Variants in TNRC6B observed in about 807,000 individuals in gnomAD.
The protein encoded by TNRC6B is trinucleotide repeat containing adaptor 6B.
In TNRC6B, 52 loss-of-function variants were observed where a neutral mutation model predicts 203.6. The observed-to-expected ratio is 0.26, with a 90% confidence interval of 0.20 to 0.32. TNRC6B has a LOEUF of 0.32. Among genes scored for constraint, TNRC6B ranks in the 10% least tolerant of loss-of-function variants. TNRC6B has a pLI of 1.00. For missense variants in TNRC6B, 1,923 were observed against 2,286.2 expected (o/e 0.84, Z 3.24); for synonymous variants, 838 against 845.7 (o/e 0.99, Z 0.16).
chr22:40,182,474 T>C (rs537181648), intron 1 of TNRC6B, among the ~76,000 whole-genome samples: 3 of 152,206 alleles, frequency 2.0e-5, no homozygotes, highest in African/African-American at 7.2e-5. Context: ...TAGGGTGGAG[T>C]GAATTGAAGC....
chr22:40,211,350 A>G (rs1280482602), intron 1 of TNRC6B, among the ~76,000 whole-genome samples: 1 of 151,562 alleles, frequency 6.6e-6, no homozygotes, highest in Non-Finnish European at 1.5e-5. Flanking sequence ...GAGTATTGGG[A>G]TTACAGGCAT....
At chr22:40,135,235 G>C (rs2068589687) in intron 3 of TNRC6B, among the ~76,000 whole-genome samples, 1 of 152,168 alleles carries the variant, frequency 6.6e-6, no homozygotes, top group Non-Finnish European at 1.5e-5. Flanking sequence ...TCCCCAGTCT[G>C]TTGAATTAAA....
At chr22:40,269,525 A>C (rs1036032950) in intron 5 of TNRC6B, among the ~76,000 whole-genome samples, 4 of 152,032 alleles carry the variant, frequency 2.6e-5, no homozygotes, top group Non-Finnish European at 5.9e-5. Context: ...TTTTTCTATC[A>C]GTGATGCGGT....
chr22:40,116,685 T>A (rs988031458), intron 1 of TNRC6B, among the ~76,000 whole-genome samples: 6 of 151,966 alleles, frequency 3.9e-5, no homozygotes, highest in Admixed American at 1.3e-4. Context: ...ATATGAGGGG[T>A]TGGGTGAGAA....
In TNRC6B at chr22:40,266,761, C is replaced by G; in HGVS notation, c.2531C>G (p.Pro844Arg). Residue 844 changes from proline (P) to arginine (R), a missense_variant, in exon 5 of 23, where the codon CCC becomes CGC. Physicochemically the swap from Pro to Arg is moderately radical, Grantham distance 103. Around this residue, in one of 8 missense-constraint regions of TNRC6B, gnomAD observed 599 missense variants for 656.5 expected, o/e 0.91. Coordinates refer to ENST00000454349, the MANE Select transcript of TNRC6B (RefSeq NM_001162501.2). The stretch of plus-strand genomic sequence containing the variant: ...GCTTCTGGTTCGTGGGGAGGCCCAC[C>G]CCCACCACCTCCAGGCAACGTTCGA... ...PEASGSWGGP[P>R]PPPPGNVRPS... is the part of the protein sequence containing the mutation. 6.2e-7 allele frequency: 1 copy of G among 1,613,618 alleles called. No individual in the cohort carries two copies. Among genetic ancestry groups the G allele is most frequent in the Non-Finnish European group, 8.5e-7 (1 of 1,179,744 alleles).
At chr22:40,200,717 G>A (rs1231879622) in intron 1 of TNRC6B, among the ~76,000 whole-genome samples, 1 of 152,114 alleles carries the variant, frequency 6.6e-6, no homozygotes, top group Non-Finnish European at 1.5e-5. Context: ...TGTAATATAT[G>A]TTGTAGGTCA....
chr22:40,134,688 C>T (rs762941756), intron 3 of TNRC6B, among the ~76,000 whole-genome samples: 5 of 152,046 alleles, frequency 3.3e-5, no homozygotes, highest in African/African-American at 4.8e-5. Flanking sequence ...ATGTTCTGCA[C>T]GTGTATCCCA....
In TNRC6B at chr22:40,273,545, G is replaced by T; in HGVS notation, c.3086G>T (p.Ser1029Ile). The change falls in exon 7 of 23, where the codon AGT becomes ATT. Residue 1029 changes from serine (S) to isoleucine (I), a missense_variant. Around this residue, in one of 8 missense-constraint regions of TNRC6B, gnomAD observed 599 missense variants for 656.5 expected, o/e 0.91. Transcript: ENST00000454349. ...TGGAACACCACTGGCTCTCAGGGCA[G>T]TGCTTCCTCCCACAACTCAGCAAGC... The part of the protein sequence containing the change: ...GVWNTTGSQG[S>I]ASSHNSASWG... The T allele has an allele frequency of 6.3e-7, 1 of 1,593,222 alleles. No homozygotes were observed. Among genetic ancestry groups the T allele is most frequent in the Non-Finnish European group, 8.5e-7 (1 of 1,169,596 alleles).
At chr22:40,296,425 G>A (rs986094958) in intron 12 of TNRC6B, among the ~76,000 whole-genome samples, 2 of 148,788 alleles carry the variant, frequency 1.3e-5, no homozygotes, top group Admixed American at 1.4e-4. Context: ...TCCGCCTCCC[G>A]GGTTCATGCC....
chr22:40,243,039 T>G (rs895589808), intron 1 of TNRC6B, among the ~76,000 whole-genome samples: 2 of 152,050 alleles, frequency 1.3e-5, no homozygotes, highest in African/African-American at 4.8e-5. Flanking sequence ...CAGCTAATTT[T>G]TTTGTATTTT....
Position 40,330,480 on chromosome 22 carries a change from G to C in TNRC6B, c.*7239G>C, listed in dbSNP as rs2071453557. ...GAGAGGAGGACAGTACATCCTATGT[G>C]TGTTCGCCAAAAATGGGAAAGGTGG... On this transcript the variant is annotated 3_prime_UTR_variant, in exon 23 of 23. Transcript: ENST00000454349. The C allele has an allele frequency of 6.6e-6, 1 of 152,244 alleles. No homozygotes were observed. The highest frequency in any genetic ancestry group is 2.4e-5 in the African/African-American group (1 of 41,432). 9.4% of individuals were successfully genotyped at this position (152,244 alleles called of 1,614,324 possible).
intron 3 of TNRC6B, among the ~76,000 whole-genome samples, chr22:40,148,475 A>G (rs900779725): frequency 3.3e-5 from 5 of 151,792 alleles, no homozygotes; most frequent in Non-Finnish European, 5.9e-5. Context: ...GTAGAGATGG[A>G]GTTTCACCAT....
intron 1 of TNRC6B, among the ~76,000 whole-genome samples, chr22:40,065,133 T>A (rs545822372): frequency 6.6e-4 from 101 of 152,108 alleles, no homozygotes; most frequent in African/African-American, 2.3e-3. Context: ...AGGGAGGGTT[T>A]GTAAATAATT....
Position 40,312,602 on chromosome 22 carries a change from A to G in TNRC6B, c.4533A>G (p.Thr1511=), listed in dbSNP as rs2071199891. ...GAAGTGTGCTGGGGGGTACAGCCAC[A>G]TCTCCCATTGTAGATACTGACCACC... is the stretch of plus-strand genomic sequence containing the variant. ...TPGSVLGGTA[T]SPIVDTDHQL... Residue 1511 remains threonine, a synonymous_variant, in exon 18 of 23, where the codon ACA becomes ACG. Coordinates refer to ENST00000454349, the MANE Select transcript of TNRC6B (RefSeq NM_001162501.2). 1.2e-6 allele frequency: 2 copies of G among 1,614,004 alleles called. No individual in the cohort carries two copies. The highest frequency in any genetic ancestry group is 1.7e-5 in the Admixed American group (1 of 60,004).
In TNRC6B at chr22:40,330,375, G is replaced by A. The variant is rs1246048439; in HGVS notation, c.*7134G>A. 3 of 152,234 alleles carry A rather than the reference G, an allele frequency of 2.0e-5. No individual in the cohort carries two copies. The highest frequency in any genetic ancestry group is 4.4e-5 in the Non-Finnish European group (3 of 68,060). The allele number at this position is 152,234 out of a possible 1,614,324, so 9.4% of individuals were successfully genotyped here. On this transcript the variant is annotated 3_prime_UTR_variant, in exon 23 of 23. Coordinates refer to ENST00000454349, the MANE Select transcript of TNRC6B (RefSeq NM_001162501.2). ...TACTGAAAGGTGTGTACAACTCCCA[G>A]AGGGGTGGCTGTAAAAGTTGACTGG... is the stretch of plus-strand genomic sequence containing the variant.
chr22:40,328,026 T>C lies in TNRC6B; in HGVS notation c.*4785T>C, dbSNP rs2071424532. 1 of 152,130 alleles carries C rather than the reference T, an allele frequency of 6.6e-6. No individual in the cohort carries two copies. The highest frequency in any genetic ancestry group is 2.4e-5 in the African/African-American group (1 of 41,414). The allele number at this position is 152,130 out of a possible 1,614,324, so 9.4% of individuals were successfully genotyped here. A position where few individuals can be genotyped will look rare whatever the true frequency, so the allele number is the denominator to read the frequency against. On this transcript the variant is annotated 3_prime_UTR_variant, in exon 23 of 23. Coordinates refer to ENST00000454349, the MANE Select transcript of TNRC6B (RefSeq NM_001162501.2). ...CAGAGGACCTCTGCTGTCAATTAGA[T>C]CCAGTATCATGACCTAACTTTAAGT...
At chr22:40,249,254 A>G (rs1482494949) in intron 2 of TNRC6B, among the ~76,000 whole-genome samples, 2 of 152,224 alleles carry the variant, frequency 1.3e-5, no homozygotes, top group African/African-American at 4.8e-5. Flanking sequence ...GGTGCAGGAT[A>G]ATCACTCAGA....
Position 40,322,902 on chromosome 22 carries a change from T to A in TNRC6B, c.5163T>A (p.Asp1721Glu), listed in dbSNP as rs1385660372. ...TCCTTGCTGAGTTTGCCACTGATGA[T>A]GAAGTCAGCCGCTTTCTGGCACAAG... ...TTILAEFATD[D>E]EVSRFLAQAQ... The change falls in exon 23 of 23, where the codon GAT (aspartate) becomes GAA (glutamate). Residue 1721 changes from aspartate (D) to glutamate (E), a missense_variant. Coordinates refer to ENST00000454349, the MANE Select transcript of TNRC6B (RefSeq NM_001162501.2). 5 of 1,614,008 alleles carry A rather than the reference T, an allele frequency of 3.1e-6. No individual in the cohort carries two copies. The highest frequency in any genetic ancestry group is 3.4e-6 in the Non-Finnish European group (4 of 1,179,898).
chr22:40,112,042 G>A (rs2146313675), intron 1 of TNRC6B, among the ~76,000 whole-genome samples: 1 of 152,302 alleles, frequency 6.6e-6, no homozygotes, highest in African/African-American at 2.4e-5. Flanking sequence ...AGAGGTTGTA[G>A]TGAACCAAGA....
Sources: allele counts gnomAD v4.1 joint callset (sites outside exome capture counted in the v4.1 genomes callset), GRCh38; gene constraint gnomAD v4.1.1; regional missense constraint gnomAD v4.1.1; transcripts MANE v1.5; gene names NCBI Gene and HGNC (gene_info 2026-07-23, HGNC 2026-07-21).